EEPD1: variants seen among roughly 807,000 people sequenced by gnomAD.
EEPD1 encodes the protein endonuclease/exonuclease/phosphatase family domain-containing protein 1.
A neutral mutation model predicts 46.3 loss-of-function variants in EEPD1; 17 were observed. That is an observed-to-expected ratio of 0.37 (90% CI 0.25 to 0.55). EEPD1 has a LOEUF of 0.55. Among genes scored for constraint, EEPD1 ranks in the 20% least tolerant of loss-of-function variants. EEPD1 has a pLI of 0.83. For missense variants in EEPD1, 673 were observed against 745.6 expected (o/e 0.90, Z 1.13); for synonymous variants, 313 against 315.6 (o/e 0.99, Z 0.09).
intron 2 of EEPD1, among the ~76,000 whole-genome samples, chr7:36,214,004 T>C (rs1259210764): frequency 3.3e-5 from 5 of 152,202 alleles, no homozygotes; most frequent in African/African-American, 1.2e-4. Context: ...GAGAAGATGT[T>C]GGTGGTCCAG....
intron 3 of EEPD1, among the ~76,000 whole-genome samples, chr7:36,264,421 C>A (rs1302931539): frequency 1.3e-5 from 2 of 152,164 alleles, no homozygotes; most frequent in African/African-American, 4.8e-5. Context: ...ATGACACCTC[C>A]CACCCGCACA....
chr7:36,277,783 T>C (rs1207921263), intron 3 of EEPD1, among the ~76,000 whole-genome samples: 3 of 152,240 alleles, frequency 2.0e-5, no homozygotes, highest in African/African-American at 7.2e-5. Flanking sequence ...TTATTAACTA[T>C]CCCTAATAAC....
At chr7:36,195,859 T>C (rs761306918) in intron 2 of EEPD1, among the ~76,000 whole-genome samples, 4 of 152,200 alleles carry the variant, frequency 2.6e-5, no homozygotes, top group African/African-American at 4.8e-5. Context: ...TTGTATACCA[T>C]AAATATATGT....
chr7:36,282,940 A>G (rs1787283346), intron 4 of EEPD1, among the ~76,000 whole-genome samples: 2 of 152,262 alleles, frequency 1.3e-5, no homozygotes, highest in Admixed American at 6.5e-5. Context: ...CAAACAGAAT[A>G]TATCTGCAGG....
At chr7:36,288,545 G>T (rs575458102) in intron 6 of EEPD1, among the ~76,000 whole-genome samples, 1 of 152,276 alleles carries the variant, frequency 6.6e-6, no homozygotes, top group South Asian at 2.1e-4. Context: ...AGGATCACTT[G>T]AGCCCAGGAG....
At chr7:36,209,769 G>GA (rs1785891789) in intron 2 of EEPD1, among the ~76,000 whole-genome samples, 1 of 152,270 alleles carries the variant, frequency 6.6e-6, no homozygotes, top group Admixed American at 6.5e-5. Context: ...AGCCATTCAT[G>GA]AGAGATCCAC....
At chr7:36,274,078 C>T (rs1033749064) in intron 3 of EEPD1, among the ~76,000 whole-genome samples, 1 of 152,254 alleles carries the variant, frequency 6.6e-6, no homozygotes, top group African/African-American at 2.4e-5. Context: ...CTTGGGCCTG[C>T]CCCCTCTGGG....
At chr7:36,182,454 T>C (rs1202017764) in intron 2 of EEPD1, among the ~76,000 whole-genome samples, 1 of 152,232 alleles carries the variant, frequency 6.6e-6, no homozygotes, top group Non-Finnish European at 1.5e-5. Context: ...AGTATCTTGA[T>C]TTTTTTGAAC....
At chr7:36,198,734 C>T (rs1785658333) in intron 2 of EEPD1, among the ~76,000 whole-genome samples, 1 of 152,166 alleles carries the variant, frequency 6.6e-6, no homozygotes, top group Non-Finnish European at 1.5e-5. Flanking sequence ...TGTCAATACA[C>T]AATTTCTGAT....
At chr7:36,260,305 A>G (rs1035260344) in intron 3 of EEPD1, among the ~76,000 whole-genome samples, 4 of 152,216 alleles carry the variant, frequency 2.6e-5, no homozygotes, top group Non-Finnish European at 5.9e-5. Context: ...TTTTTGAAAG[A>G]TAGTTTTCCT....
At chr7:36,195,143 C>T (rs549413856) in intron 2 of EEPD1, among the ~76,000 whole-genome samples, 1 of 152,280 alleles carries the variant, frequency 6.6e-6, no homozygotes, top group East Asian at 1.9e-4. Context: ...TCTGAGTTCC[C>T]CAGCAGTTAA....
intron 3 of EEPD1, among the ~76,000 whole-genome samples, chr7:36,262,932 G>A (rs196567): frequency 0.12 from 18,665 of 152,102 alleles, 1,569 homozygotes; most frequent in Non-Finnish European, 0.18. Flanking sequence ...CCTGATGGTC[G>A]CTTGACAGTC....
chr7:36,256,026 C>T (rs1239338602), intron 3 of EEPD1, among the ~76,000 whole-genome samples: 1 of 152,172 alleles, frequency 6.6e-6, no homozygotes, highest in Admixed American at 6.5e-5. Context: ...TATGTTTTGT[C>T]TGTGTTCTCA....
chr7:36,244,168 A>G (rs1033413069), intron 3 of EEPD1, among the ~76,000 whole-genome samples: 3 of 152,148 alleles, frequency 2.0e-5, no homozygotes, highest in Non-Finnish European at 4.4e-5. Context: ...CTGAGCTTCA[A>G]ATGACAACCT....
chr7:36,239,855 G>A (rs552695948), intron 3 of EEPD1, among the ~76,000 whole-genome samples: 2 of 152,234 alleles, frequency 1.3e-5, no homozygotes, highest in African/African-American at 2.4e-5. Context: ...CTTCCTGCAT[G>A]TGTAGCCGCA....
At chr7:36,290,603 T>C (rs539681547) in intron 6 of EEPD1, among the ~76,000 whole-genome samples, 25 of 152,326 alleles carry the variant, frequency 1.6e-4, no homozygotes, top group African/African-American at 6.0e-4. Flanking sequence ...GCATGCAGGC[T>C]GACGTCAGTG....
At position 36,197,270 on chromosome 7, in the gene EEPD1, G is replaced by A. The variant is rs553086052; in HGVS notation, c.879-41715G>A. ...GGGTCAGGCCCCCGCCCGGGCAGCC[G>A]CCCCGTCCGGGAGGGAGGTGGGGGG... On this transcript the variant is annotated intron_variant, in intron 2 of 7. Transcript: ENST00000242108. 1.3e-3 allele frequency among the ~76,000 whole-genome samples: 185 copies of A among 142,502 alleles called. 1 individual carries two copies. Among genetic ancestry groups the A allele is most frequent in the African/African-American group, 4.7e-3 (168 of 35,612 alleles). The allele number at this position is 142,502 out of a possible 152,430, so 93.5% of individuals were successfully genotyped here. A position where few individuals can be genotyped will look rare whatever the true frequency, so the allele number is the denominator to read the frequency against.
At chr7:36,271,874 C>CTATTCTATTG (rs1300823256) in intron 3 of EEPD1, among the ~76,000 whole-genome samples, 4 of 16,876 alleles carry the variant, frequency 2.4e-4, no homozygotes, top group African/African-American at 5.3e-4. Flanking sequence ...CTATTCTATT[C>CTATTCTATTG]TATTCTATTG....
chr7:36,186,953 G>A (rs1250973822), intron 2 of EEPD1, among the ~76,000 whole-genome samples: 1 of 152,228 alleles, frequency 6.6e-6, no homozygotes, highest in African/African-American at 2.4e-5. Flanking sequence ...GTGGAAACCA[G>A]TGTTTCCCCA....
Sources: gnomAD v4.1 joint callset for allele counts (sites outside exome capture counted in the v4.1 genomes callset) on GRCh38, gnomAD v4.1.1 for gene constraint, MANE v1.5 for transcripts, NCBI Gene and HGNC (gene_info 2026-07-23, HGNC 2026-07-21) for gene names.